NPSR1: variants seen among roughly 807,000 people sequenced by gnomAD.
NPSR1 encodes the protein neuropeptide S receptor.
Under a neutral mutation model 46.9 loss-of-function variants are expected in NPSR1, and 48 were observed. The observed-to-expected ratio is 1.02, with a 90% CI of 0.81 to 1.30. The LOEUF (loss-of-function observed/expected upper bound fraction) is 1.30, where lower values mean the gene tolerates loss of function less well. Ranked by LOEUF, NPSR1 falls within the 50% of genes most tolerant of loss-of-function variation. NPSR1 has a pLI of 0.00. For missense variants in NPSR1, 450 were observed against 449.5 expected (o/e 1.00, Z -0.01); for synonymous variants, 176 against 168.1 (o/e 1.05, Z -0.36).
intron 2 of NPSR1, among the ~76,000 whole-genome samples, chr7:34,706,535 G>A (rs764526648): frequency 6.6e-6 from 1 of 152,024 alleles, no homozygotes; most frequent in South Asian, 2.1e-4. Flanking sequence ...GTATCTTAAA[G>A]GTTGCTTTGT....
chr7:34,853,600 G>T (rs1790986813), downstream of NPSR1, among the ~76,000 whole-genome samples: 2 of 152,308 alleles, frequency 1.3e-5, no homozygotes, highest in Admixed American at 1.3e-4. Context: ...TCTTATATCA[G>T]CTGGTCTCAT....
At chr7:34,688,047 C>T (rs1793025194) in intron 2 of NPSR1, among the ~76,000 whole-genome samples, 1 of 152,284 alleles carries the variant, frequency 6.6e-6, no homozygotes, top group South Asian at 2.1e-4. Flanking sequence ...ATAAACATTC[C>T]AGGGTTTCCA....
chr7:34,737,743 T>C (rs1197262666), intron 2 of NPSR1, among the ~76,000 whole-genome samples: 3 of 152,230 alleles, frequency 2.0e-5, no homozygotes, highest in Admixed American at 2.0e-4. Context: ...TTTCTGACTT[T>C]ATTAATATTT....
intron 3 of NPSR1, among the ~76,000 whole-genome samples, chr7:34,802,946 G>A (rs1398475157): frequency 6.6e-6 from 1 of 150,440 alleles, no homozygotes; most frequent in African/African-American, 2.5e-5. Flanking sequence ...CATTTATGCA[G>A]GCAAAAAACA....
At chr7:34,717,174 C>T (rs1196618333) in intron 2 of NPSR1, among the ~76,000 whole-genome samples, 21 of 152,106 alleles carry the variant, frequency 1.4e-4, no homozygotes, top group Non-Finnish European at 7.4e-5. Context: ...CTCTTGTTGC[C>T]CAGGCTGCAG....
rs189943742 is a variant in NPSR1, at chr7:34,708,031, T to C, written c.280+23347T>C. ...CTTCTTATGAGGACACCACCAGTTATACTGGATTAGGGCCCACCCAGAATT... is the reference window on the plus strand; with the variant it reads ...CTTCTTATGAGGACACCACCAGTTACACTGGATTAGGGCCCACCCAGAATT... On this transcript the variant is annotated intron_variant, in intron 2 of 8. Coordinates refer to ENST00000360581, the MANE Select transcript of NPSR1 (RefSeq NM_207172.2). Among the ~76,000 whole-genome samples, 6 of 152,320 alleles carry C rather than the reference T, an allele frequency of 3.9e-5. No individual in the cohort carries two copies. In the East Asian group the frequency reaches 9.6e-4, roughly 24 times the overall value.
At chr7:34,773,155 C>T (rs945690121) in intron 2 of NPSR1, among the ~76,000 whole-genome samples, 2 of 152,142 alleles carry the variant, frequency 1.3e-5, no homozygotes, top group Non-Finnish European at 2.9e-5. Context: ...CCTATGTATA[C>T]TTCCTGTTAG....
In NPSR1 at chr7:34,867,655, T is replaced by A. The variant is rs564776384; in HGVS notation, c.1026-10421T>A. The stretch of plus-strand genomic sequence containing the variant: ...TCACCCCAGGAGCAACAGGGATGAT[T>A]GATTTTTGCTCTGGAAATAAGTAAT... On this transcript the variant is annotated intron_variant, in intron 8 of 8. Transcript: ENST00000359791. 1.1e-4 allele frequency among the ~76,000 whole-genome samples: 16 copies of A among 152,036 alleles called. 1 individual carries two copies. In the South Asian group the frequency reaches 3.3e-3, roughly 32 times the overall value.
intron 6 of NPSR1, among the ~76,000 whole-genome samples, chr7:34,844,435 C>G (rs748541309): frequency 2.0e-5 from 3 of 151,742 alleles, no homozygotes; most frequent in East Asian, 3.9e-4. Context: ...TTCTTGAGAG[C>G]GTTTTTTTGT....
downstream of NPSR1, chr7:34,850,046 A>G (rs1373907514): frequency 4.2e-6 from 4 of 952,282 alleles, no homozygotes; most frequent in African/African-American, 3.5e-5. Context: ...GAAGAAAATA[A>G]AAGACTTAAT....
At chr7:34,714,474 T>A (rs1457529776) in intron 2 of NPSR1, among the ~76,000 whole-genome samples, 1 of 152,182 alleles carries the variant, frequency 6.6e-6, no homozygotes, top group Non-Finnish European at 1.5e-5. Context: ...AATAGAAACA[T>A]GAGTTAAGAA....
chr7:34,849,237 C>A, intron 8 of NPSR1: 1 of 864,152 alleles, frequency 1.2e-6, no homozygotes, highest in South Asian at 1.5e-5. Flanking sequence ...AAGTTTATAT[C>A]TTGCCATTGT....
chr7:34,728,071 G>A (rs923651004), intron 2 of NPSR1, among the ~76,000 whole-genome samples: 1 of 150,638 alleles, frequency 6.6e-6, no homozygotes, highest in Non-Finnish European at 1.5e-5. Flanking sequence ...TTTTTGAGGT[G>A]TAAGTTTTTT....
chr7:34,838,591 T>C (rs1429629098), intron 6 of NPSR1, among the ~76,000 whole-genome samples: 1 of 152,174 alleles, frequency 6.6e-6, no homozygotes, highest in African/African-American at 2.4e-5. Flanking sequence ...CCATGATTAG[T>C]GTGAACAGAA....
At chr7:34,745,263 C>A (rs907764748) in intron 2 of NPSR1, among the ~76,000 whole-genome samples, 1 of 152,156 alleles carries the variant, frequency 6.6e-6, no homozygotes, top group Non-Finnish European at 1.5e-5. Flanking sequence ...TGCCTCTTCA[C>A]TTCTCTTTGG....
At chr7:34,847,276 T>C (rs1790769253) in intron 7 of NPSR1, among the ~76,000 whole-genome samples, 1 of 152,166 alleles carries the variant, frequency 6.6e-6, no homozygotes, top group Non-Finnish European at 1.5e-5. Flanking sequence ...GAAAAAATTC[T>C]ATGGATGAGA....
In NPSR1 at chr7:34,724,930, G is replaced by A. The variant is rs566376774; in HGVS notation, c.280+40246G>A. 5.3e-5 allele frequency among the ~76,000 whole-genome samples: 8 copies of A among 152,172 alleles called. No individual in the cohort carries two copies. In the East Asian group the frequency reaches 5.8e-4, roughly 11 times the overall value. ...TGGAAAAGAGTGATTAAATAAAACCGCAAATGTCTGTGCCTGTGGGGTGAG... is the reference window on the plus strand; with the variant it reads ...TGGAAAAGAGTGATTAAATAAAACCACAAATGTCTGTGCCTGTGGGGTGAG... On this transcript the variant is annotated intron_variant, in intron 2 of 8. Transcript: ENST00000360581.
chr7:34,754,554 C>A (rs1263917472), intron 2 of NPSR1, among the ~76,000 whole-genome samples: 7 of 152,058 alleles, frequency 4.6e-5, no homozygotes, highest in African/African-American at 1.4e-4. Context: ...CTCTTCCCCC[C>A]ACCAAGAGTA....
At chr7:34,809,774 C>CCCT (rs1788894768) in intron 3 of NPSR1, among the ~76,000 whole-genome samples, 1 of 152,106 alleles carries the variant, frequency 6.6e-6, no homozygotes, top group Admixed American at 6.5e-5. Flanking sequence ...CTGATCCTAA[C>CCCT]CCTCCTCCCA....
Sources: gnomAD v4.1 joint callset for allele counts (sites outside exome capture counted in the v4.1 genomes callset) on GRCh38, gnomAD v4.1.1 for gene constraint, MANE v1.5 for transcripts, NCBI Gene and HGNC (gene_info 2026-07-23, HGNC 2026-07-21) for gene names.